The following CTNNA2 variants were observed in gnomAD, a reference collection of about 807,000 sequenced individuals.
The protein encoded by CTNNA2 is catenin alpha 2.
A neutral mutation model predicts 101.0 loss-of-function variants in CTNNA2; 42 were observed. That is an observed-to-expected ratio of 0.42 (90% CI 0.32 to 0.54). The LOEUF (loss-of-function observed/expected upper bound fraction) is 0.54. Ranked by LOEUF, CTNNA2 falls within the 20% of genes least tolerant of loss-of-function variation. The pLI, the probability that CTNNA2 is intolerant of heterozygous loss-of-function variation, is 0.14. For missense variants in CTNNA2, 871 were observed against 1,223.1 expected (o/e 0.71, Z 4.29); for synonymous variants, 450 against 456.4 (o/e 0.99, Z 0.18).
intron 7 of CTNNA2, chr2:80,029,585 G>A (rs1695156406): frequency 6.7e-6 from 1 of 150,230 alleles, no homozygotes; most frequent in African/African-American, 2.5e-5. Context: ...TTACTGAGTT[G>A]TAAAAGTTAA....
At chr2:79,348,087 A>G (rs1406422717) in intron 3 of CTNNA2, among the ~76,000 whole-genome samples, 1 of 152,112 alleles carries the variant, frequency 6.6e-6, no homozygotes, top group Non-Finnish European at 1.5e-5. Context: ...AAGAGCATAA[A>G]ATGTCACAGG....
chr2:79,371,734 A>G (rs1374275425), intron 3 of CTNNA2, among the ~76,000 whole-genome samples: 2 of 152,130 alleles, frequency 1.3e-5, no homozygotes, highest in Non-Finnish European at 2.9e-5. Flanking sequence ...GTTCTAGAAT[A>G]ATTTCCTATC....
chr2:80,024,647 C>T (rs1206549228), intron 7 of CTNNA2, among the ~76,000 whole-genome samples: 2 of 152,202 alleles, frequency 1.3e-5, no homozygotes, highest in Non-Finnish European at 2.9e-5. Flanking sequence ...GGAGCAGGCT[C>T]TGTGTGGGCC....
chr2:80,120,147 T>G (rs569074415), intron 7 of CTNNA2, among the ~76,000 whole-genome samples: 1 of 152,302 alleles, frequency 6.6e-6, no homozygotes, highest in East Asian at 1.9e-4. Context: ...TTTTAATTTG[T>G]CTGATAGTTT....
At chr2:80,373,057 A>G (rs190628006) in intron 7 of CTNNA2, among the ~76,000 whole-genome samples, 2 of 152,282 alleles carry the variant, frequency 1.3e-5, no homozygotes, top group African/African-American at 4.8e-5. Context: ...TGTGACCATG[A>G]TTGTGTTGCC....
intron 2 of CTNNA2, among the ~76,000 whole-genome samples, chr2:79,251,267 T>A (rs927384210): frequency 2.6e-5 from 4 of 152,142 alleles, no homozygotes; most frequent in African/African-American, 9.7e-5. Context: ...CTGTTACTGA[T>A]CCATGATTCA....
At chr2:79,228,693 G>A (rs1203550580) in intron 2 of CTNNA2, among the ~76,000 whole-genome samples, 1 of 150,074 alleles carries the variant, frequency 6.7e-6, no homozygotes, top group African/African-American at 2.4e-5. Flanking sequence ...CTCCCATTCT[G>A]CAGGCTGTCT....
chr2:80,109,242 C>T (rs1701067053), intron 7 of CTNNA2, among the ~76,000 whole-genome samples: 1 of 152,264 alleles, frequency 6.6e-6, no homozygotes, highest in Non-Finnish European at 1.5e-5. Context: ...CGGTGGATCA[C>T]GAGGTTGGGA....
chr2:80,308,218 G>A (rs980970154), intron 7 of CTNNA2, among the ~76,000 whole-genome samples: 1 of 152,000 alleles, frequency 6.6e-6, no homozygotes, highest in Admixed American at 6.6e-5. Context: ...GTTCATTTTA[G>A]TCAAAATAAT....
At chr2:79,550,344 G>A (rs981122016) in intron 1 of CTNNA2, among the ~76,000 whole-genome samples, 15 of 152,094 alleles carry the variant, frequency 9.9e-5, no homozygotes, top group African/African-American at 3.6e-4. Flanking sequence ...AAGAGGCCAT[G>A]ACTCTGGGCA....
chr2:79,779,855 G>T (rs184345548), intron 3 of CTNNA2, among the ~76,000 whole-genome samples: 1 of 152,084 alleles, frequency 6.6e-6, no homozygotes, highest in Non-Finnish European at 1.5e-5. Context: ...CTGGTCCAGG[G>T]CATTCCAAAG....
intron 18 of CTNNA2, among the ~76,000 whole-genome samples, chr2:80,624,083 C>T (rs887719670): frequency 4.6e-5 from 7 of 151,938 alleles, no homozygotes; most frequent in African/African-American, 1.4e-4. Flanking sequence ...TTGTCATGCT[C>T]CAATACAAGG....
At chr2:80,214,179 G>T (rs1708098217) in intron 7 of CTNNA2, among the ~76,000 whole-genome samples, 1 of 152,088 alleles carries the variant, frequency 6.6e-6, no homozygotes, top group South Asian at 2.1e-4. Flanking sequence ...TTGCTAGTCT[G>T]TGTCTTTTAC....
chr2:79,557,198 A>G (rs953426892), intron 1 of CTNNA2, among the ~76,000 whole-genome samples: 2 of 152,072 alleles, frequency 1.3e-5, no homozygotes, highest in Non-Finnish European at 2.9e-5. Flanking sequence ...AAATTAAATT[A>G]TGGCAGAGTT....
intron 3 of CTNNA2, among the ~76,000 whole-genome samples, chr2:79,837,625 TG>T (rs1233805905): frequency 1.3e-5 from 2 of 152,096 alleles, no homozygotes; most frequent in East Asian, 3.9e-4. Flanking sequence ...CAGGTACATA[TG>T]TGGAGAGGTG....
At chr2:79,305,493 C>A (rs1676219149) in intron 2 of CTNNA2, among the ~76,000 whole-genome samples, 1 of 150,948 alleles carries the variant, frequency 6.6e-6, no homozygotes, top group African/African-American at 2.4e-5. Flanking sequence ...GGTATGGTAT[C>A]TTTTCAATGT....
chr2:79,313,196 G>A (rs1266678623), intron 3 of CTNNA2, among the ~76,000 whole-genome samples: 1 of 152,166 alleles, frequency 6.6e-6, no homozygotes, highest in Non-Finnish European at 1.5e-5. Context: ...GGCTTCATAT[G>A]TGTGTAATTG....
intron 9 of CTNNA2, among the ~76,000 whole-genome samples, chr2:80,486,467 G>A (rs1045494984): frequency 2.6e-5 from 4 of 152,030 alleles, no homozygotes; most frequent in Non-Finnish European, 5.9e-5. Context: ...GATTATATAA[G>A]TAGTACATGT....
chr2:80,540,152 TTCC>T (rs1691422300), intron 9 of CTNNA2, among the ~76,000 whole-genome samples: 1 of 152,304 alleles, frequency 6.6e-6, no homozygotes, highest in South Asian at 2.1e-4. Context: ...CACCATTCCT[TTCC>T]TCCTCCATAC....
Sources: gnomAD v4.1 joint callset for allele counts (sites outside exome capture counted in the v4.1 genomes callset) on GRCh38, gnomAD v4.1.1 for gene constraint, MANE v1.5 for transcripts, NCBI Gene and HGNC (gene_info 2026-07-23, HGNC 2026-07-21) for gene names.